Variants in LOC128125817 observed in about 807,000 individuals in gnomAD.
chr1:41,602,329 C>A, the LOC128125817 span, among the ~76,000 whole-genome samples: 1 of 152,060 alleles, frequency 6.6e-6, no homozygotes, highest in Non-Finnish European at 1.5e-5. Context: ...AATGTTAAAT[C>A]TTTAAAAAAT....
At chr1:41,589,435 A>C in the LOC128125817 span, among the ~76,000 whole-genome samples, 39 of 152,328 alleles carry the variant, frequency 2.6e-4, no homozygotes, top group African/African-American at 8.7e-4. Flanking sequence ...GGAGCCACAA[A>C]AGCCTCAGGG....
the LOC128125817 span, among the ~76,000 whole-genome samples, chr1:41,609,245 C>G: frequency 3.3e-5 from 5 of 152,304 alleles, no homozygotes; most frequent in East Asian, 9.7e-4. Flanking sequence ...GGCATCATCT[C>G]AGAACTCCAT....
At chr1:41,613,639 T>G in the LOC128125817 span, among the ~76,000 whole-genome samples, 7 of 152,268 alleles carry the variant, frequency 4.6e-5, no homozygotes, top group Non-Finnish European at 8.8e-5. Flanking sequence ...TTTGAGTATC[T>G]TTCTCATAAA....
chr1:41,620,453 C>A, the LOC128125817 span, among the ~76,000 whole-genome samples: 1 of 152,296 alleles, frequency 6.6e-6, no homozygotes, highest in African/African-American at 2.4e-5. Context: ...CCTACCTCTC[C>A]TCTCACCTGT....
the LOC128125817 span, among the ~76,000 whole-genome samples, chr1:41,607,433 A>C: frequency 3.3e-4 from 51 of 152,342 alleles, 1 homozygote; most frequent in East Asian, 8.1e-3. Flanking sequence ...CCTTTCCTCC[A>C]ATTGTGCTAT....
At chr1:41,615,594 A>G in the LOC128125817 span, among the ~76,000 whole-genome samples, 3 of 152,246 alleles carry the variant, frequency 2.0e-5, no homozygotes, top group South Asian at 6.2e-4. Flanking sequence ...GATGTAACCA[A>G]AGGCTGAAAC....
At chr1:41,602,285 C>A in the LOC128125817 span, among the ~76,000 whole-genome samples, 1 of 151,914 alleles carries the variant, frequency 6.6e-6, no homozygotes, top group African/African-American at 2.4e-5. Context: ...GTTCCCTCCT[C>A]TTCAATTTTT....
At chr1:41,622,808 G>T in the LOC128125817 span, among the ~76,000 whole-genome samples, 2 of 152,208 alleles carry the variant, frequency 1.3e-5, no homozygotes, top group African/African-American at 4.8e-5. Context: ...TGGGAGGCTG[G>T]TACAGTTTTC....
chr1:41,626,915 C>G, the LOC128125817 span, among the ~76,000 whole-genome samples: 2 of 152,230 alleles, frequency 1.3e-5, no homozygotes, highest in Non-Finnish European at 1.5e-5. Flanking sequence ...CTGCCCCTTA[C>G]CATCTGTGTA....
the LOC128125817 span, among the ~76,000 whole-genome samples, chr1:41,623,883 A>G: frequency 7.6e-6 from 1 of 131,118 alleles, no homozygotes; most frequent in Non-Finnish European, 1.6e-5. Flanking sequence ...ATGGCCACAG[A>G]GGCTCTCTGC....
the LOC128125817 span, among the ~76,000 whole-genome samples, chr1:41,627,300 G>C: frequency 6.6e-6 from 1 of 152,226 alleles, no homozygotes; most frequent in East Asian, 1.9e-4. Context: ...AAGTGAGAAG[G>C]ATGAGGCAGA....
chr1:41,588,846 GCT>G, the LOC128125817 span, among the ~76,000 whole-genome samples: 4 of 152,108 alleles, frequency 2.6e-5, no homozygotes, highest in Admixed American at 1.3e-4. Flanking sequence ...CTGGACTAGT[GCT>G]CTCTGCCAGC....
chr1:41,621,353 G>A, the LOC128125817 span, among the ~76,000 whole-genome samples: 1 of 152,210 alleles, frequency 6.6e-6, no homozygotes, highest in Non-Finnish European at 1.5e-5. Context: ...ACAGGATAAA[G>A]TCTAAGCTTC....
the LOC128125817 span, among the ~76,000 whole-genome samples, chr1:41,589,309 C>A: frequency 6.6e-6 from 1 of 152,208 alleles, no homozygotes; most frequent in Admixed American, 6.5e-5. Flanking sequence ...CAGCTTATAA[C>A]CCTGAGGGGA....
the LOC128125817 span, among the ~76,000 whole-genome samples, chr1:41,609,350 G>T: frequency 6.6e-6 from 1 of 152,388 alleles, no homozygotes; most frequent in East Asian, 1.9e-4. Context: ...GGTAGGAACA[G>T]CCAGCCCTGT....
At chr1:41,620,543 T>G in the LOC128125817 span, among the ~76,000 whole-genome samples, 1 of 152,050 alleles carries the variant, frequency 6.6e-6, no homozygotes, top group South Asian at 2.1e-4. Context: ...TGGTCTCTAA[T>G]CCCCTGCTTT....
the LOC128125817 span, among the ~76,000 whole-genome samples, chr1:41,618,198 G>A: frequency 2.6e-5 from 4 of 152,206 alleles, no homozygotes; most frequent in Non-Finnish European, 4.4e-5. Flanking sequence ...GCTGCGGGAT[G>A]GTGCCAGAGC....
At chr1:41,594,766 C>T in the LOC128125817 span, among the ~76,000 whole-genome samples, 1 of 152,130 alleles carries the variant, frequency 6.6e-6, no homozygotes, top group East Asian at 1.9e-4. Flanking sequence ...CCCTTTATGA[C>T]TTTTAGGTTT....
the LOC128125817 span, among the ~76,000 whole-genome samples, chr1:41,628,397 G>A: frequency 0.012 from 1,754 of 152,300 alleles, 36 homozygotes; most frequent in African/African-American, 0.041. Flanking sequence ...CACACAGTTG[G>A]ACTGGCTTGT....
Sources: allele counts gnomAD v4.1 joint callset (sites outside exome capture counted in the v4.1 genomes callset), GRCh38; gene constraint gnomAD v4.1.1; transcripts MANE v1.5.